SMCHD1: variants seen among roughly 807,000 people sequenced by gnomAD.
SMCHD1 encodes the protein structural maintenance of chromosomes flexible hinge domain containing 1, also known as structural maintenance of chromosomes flexible hinge domain-containing protein 1.
A neutral mutation model predicts 254.7 loss-of-function variants in SMCHD1; 78 were observed. The ratio of observed to expected loss-of-function variants is 0.31; its 90% confidence interval spans 0.26 to 0.37. The LOEUF (loss-of-function observed/expected upper bound fraction) is 0.37. Ranked by LOEUF, SMCHD1 falls within the 10% of genes least tolerant of loss-of-function variation. The pLI is 1.00. For synonymous variants in SMCHD1, 766 were observed against 794.9 expected (o/e 0.96, Z 0.61); for missense variants, 1,840 against 2,408.1 (o/e 0.76, Z 4.94).
In SMCHD1 at chr18:2,769,794, A is replaced by G. The variant is rs1394642637; in HGVS notation, c.4820A>G (p.Tyr1607Cys). 1 of 1,604,928 alleles carries G rather than the reference A, an allele frequency of 6.2e-7. No homozygotes were observed. Among genetic ancestry groups the G allele is most frequent in the South Asian group, 1.1e-5 (1 of 89,812 alleles). Reference sequence around the variant, plus strand: ...CTTTTATCAAGAACCTTAGAACCATATATCCTACCGTTCATGTTTTACAAT... The same window carrying G: ...CTTTTATCAAGAACCTTAGAACCATGTATCCTACCGTTCATGTTTTACAAT... ...LPLLSRTLEP[Y>C]ILPFMFYNDV... is the part of the protein sequence containing the mutation. The change falls in exon 38 of 48, where the codon TAT (tyrosine) becomes TGT (cysteine). Residue 1607 changes from tyrosine (Y) to cysteine (C), a missense_variant. Transcript: ENST00000320876.
At chr18:2,725,107 A>T (rs1007305988) in intron 21 of SMCHD1, 112 bp downstream of exon 21, 1 of 577,172 alleles carries the variant, frequency 1.7e-6, no homozygotes, top group Non-Finnish European at 2.8e-6. Context: ...AACAGATGAC[A>T]GTAATTGGGT....
intron 22 of SMCHD1, among the ~76,000 whole-genome samples, chr18:2,727,781 T>G (rs1598374512): frequency 6.6e-6 from 1 of 152,080 alleles, no homozygotes; most frequent in Non-Finnish European, 1.5e-5. Context: ...AGCACAGTGC[T>G]TCATATATAG....
chr18:2,715,304 C>A (rs1482559995), intron 17 of SMCHD1, among the ~76,000 whole-genome samples: 1 of 151,992 alleles, frequency 6.6e-6, no homozygotes, highest in Non-Finnish European at 1.5e-5. Context: ...TTTTACAATT[C>A]TTTTTTCTTT....
chr18:2,672,664 AAGG>A (rs575263393), intron 3 of SMCHD1, among the ~76,000 whole-genome samples: 61 of 152,358 alleles, frequency 4.0e-4, no homozygotes, highest in African/African-American at 1.5e-3. Context: ...ACCTTGAAGA[AAGG>A]AGAATATTAG....
intron 12 of SMCHD1, chr18:2,702,377 C>T (rs1464831432): frequency 6.6e-6 from 1 of 151,852 alleles, no homozygotes; most frequent in Non-Finnish European, 1.5e-5. Flanking sequence ...ATACTTTTCC[C>T]CTAGGTTACC....
At chr18:2,716,006 T>A (rs78980324) in intron 17 of SMCHD1, among the ~76,000 whole-genome samples, 1,847 of 152,376 alleles carry the variant, frequency 0.012, 10 homozygotes, top group Non-Finnish European at 0.02. Flanking sequence ...ATTTCCTTTG[T>A]ATCCGTAGTA....
chr18:2,681,568 GA>G (rs2073927727), intron 5 of SMCHD1, among the ~76,000 whole-genome samples: 1 of 131,228 alleles, frequency 7.6e-6, no homozygotes, highest in Non-Finnish European at 1.6e-5. Flanking sequence ...CTGGGCGACT[GA>G]GTGAGATCCT....
intron 34 of SMCHD1, among the ~76,000 whole-genome samples, chr18:2,757,804 A>G (rs576300575): frequency 3.3e-4 from 50 of 152,066 alleles, no homozygotes; most frequent in African/African-American, 9.2e-4. Context: ...AGATTTGTCT[A>G]TTTTTTCTCT....
At chr18:2,675,048 T>A (rs2073709016) in intron 5 of SMCHD1, among the ~76,000 whole-genome samples, 1 of 152,222 alleles carries the variant, frequency 6.6e-6, no homozygotes, top group Non-Finnish European at 1.5e-5. Flanking sequence ...TGCCACTTAC[T>A]AATCGTGTGA....
chr18:2,681,119 T>C (rs1395594642), intron 5 of SMCHD1, among the ~76,000 whole-genome samples: 1 of 151,970 alleles, frequency 6.6e-6, no homozygotes, highest in Non-Finnish European at 1.5e-5. Context: ...TTTAAAAAAT[T>C]AGCCAGGTGT....
chr18:2,689,297 AACCTCC>A (rs2074120210), intron 7 of SMCHD1, among the ~76,000 whole-genome samples: 1 of 146,596 alleles, frequency 6.8e-6, no homozygotes, highest in Non-Finnish European at 1.5e-5. Flanking sequence ...AGCTCGCTGC[AACCTCC>A]ACCTCCCAGG....
chr18:2,672,691 A>G (rs994814181), intron 3 of SMCHD1, among the ~76,000 whole-genome samples: 5 of 152,244 alleles, frequency 3.3e-5, no homozygotes, highest in Non-Finnish European at 5.9e-5. Flanking sequence ...ATGTTGAGCC[A>G]GTGATAAATT....
rs112166951 is a variant in SMCHD1 at position 2,663,271 on chromosome 18, AT to A, written c.187-2874del. On this transcript the variant is annotated intron_variant, in intron 1 of 47. Transcript: ENST00000320876. The stretch of plus-strand genomic sequence containing the variant: ...CACGTGTGCACCACCATGCCCAGCT[AT>A]TTTTTTTTTTTCCATTTTTTGTAGA... Among the ~76,000 whole-genome samples, 291 of 145,062 alleles carry A rather than the reference AT, an allele frequency of 2.0e-3. 1 individual carries two copies. The highest frequency in any genetic ancestry group is 2.5e-3 in the Non-Finnish European group (161 of 65,530).
intron 34 of SMCHD1, among the ~76,000 whole-genome samples, chr18:2,760,066 C>T (rs1181231705): frequency 6.6e-6 from 1 of 152,078 alleles, no homozygotes; most frequent in Non-Finnish European, 1.5e-5. Context: ...GCAAAAGCTA[C>T]CCTAGGGATC....
At chr18:2,748,224 A>G (rs11659557) in intron 30 of SMCHD1, among the ~76,000 whole-genome samples, 13,120 of 151,852 alleles carry the variant, frequency 0.086, 936 homozygotes, top group East Asian at 0.42. Context: ...AGAAAGTTCA[A>G]GATTAGGTAT....
At chr18:2,791,958 C>G (rs1231479459) in intron 45 of SMCHD1, among the ~76,000 whole-genome samples, 1 of 152,142 alleles carries the variant, frequency 6.6e-6, no homozygotes, top group Non-Finnish European at 1.5e-5. Context: ...AAACAGTAGT[C>G]AGAACTCTTA....
chr18:2,656,014 G>GCGCACCTCAGCCCTGAGCC lies in SMCHD1; in HGVS notation c.-59_-41dup. On this transcript the variant is annotated 5_prime_UTR_variant, in exon 1 of 48. Transcript: ENST00000320876. ...TGGAGCTGAAGGCGCCGCGCGGAGC[G>GCGCACCTCAGCCCTGAGCC]CGCACCTCAGCCCTGAGCCCGGCGG... The GCGCACCTCAGCCCTGAGCC allele has an allele frequency of 8.1e-7, 1 of 1,232,308 alleles. No individual in the cohort carries two copies. Among genetic ancestry groups the GCGCACCTCAGCCCTGAGCC allele is most frequent in the Admixed American group, 4.2e-5 (1 of 23,746 alleles). The allele number at this position is 1,232,308 out of a possible 1,614,324, so 76.3% of individuals were successfully genotyped here.
intron 23 of SMCHD1, 161 bp downstream of exon 23, chr18:2,728,757 T>A (rs2075075420): frequency 1.5e-6 from 1 of 669,558 alleles, no homozygotes; most frequent in Non-Finnish European, 2.3e-6. Flanking sequence ...TTTTTTTTAA[T>A]CGTACCTAAA....
At chr18:2,707,219 G>A (rs1323685518) in intron 15 of SMCHD1, among the ~76,000 whole-genome samples, 2 of 151,912 alleles carry the variant, frequency 1.3e-5, no homozygotes, top group Non-Finnish European at 2.9e-5. Flanking sequence ...AGCTAATGAT[G>A]CAATCATTTT....
Sources: gnomAD v4.1 joint callset for allele counts (sites outside exome capture counted in the v4.1 genomes callset) on GRCh38, gnomAD v4.1.1 for gene constraint, MANE v1.5 for transcripts, NCBI Gene and HGNC (gene_info 2026-07-23, HGNC 2026-07-21) for gene names.